DENND2A: variants seen among roughly 807,000 people sequenced by gnomAD.
DENND2A encodes DENN domain-containing protein 2A.
A neutral mutation model predicts 105.3 loss-of-function variants in DENND2A; 53 were observed. The observed-to-expected ratio is 0.50, with a 90% confidence interval of 0.40 to 0.63. The LOEUF is 0.63. Among genes scored for constraint, DENND2A ranks in the 30% least tolerant of loss-of-function variants. The pLI is 0.00. For synonymous variants in DENND2A, 522 were observed against 508.4 expected (o/e 1.03, Z -0.36); for missense variants, 1,138 against 1,279.6 (o/e 0.89, Z 1.69).
At chr7:140,531,041 G>C (rs1209366543) in intron 14 of DENND2A, among the ~76,000 whole-genome samples, 1 of 152,068 alleles carries the variant, frequency 6.6e-6, no homozygotes, top group Non-Finnish European at 1.5e-5. Context: ...CGACTTCTAT[G>C]ACTTTCGAAG....
rs766616206 is a variant in DENND2A at position 140,573,853 on chromosome 7, G to T, written c.1401C>A (p.Asn467Lys). Reference sequence around the variant, plus strand: ...TCCTGCCGTTCTGTGGGTCTCCAAGGTTAAAGAAAATGTCATCAGGGCTGC... The same window carrying T: ...TCCTGCCGTTCTGTGGGTCTCCAAGTTTAAAGAAAATGTCATCAGGGCTGC... ...TPSSPDDIFFNLGDPQNGRKK... is the reference protein window; with the variant it reads ...TPSSPDDIFFKLGDPQNGRKK... The change falls in exon 6 of 20, where the codon AAC becomes AAA. Residue 467 changes from asparagine to lysine, a missense_variant. By Grantham distance (94) the Asn-to-Lys change is moderately conservative (BLOSUM62 0). This residue lies in a region of DENND2A where 627 missense variants were observed against 779.8 expected (regional missense o/e 0.80). Transcript: ENST00000496613. 1 of 1,614,044 alleles carries T rather than the reference G, an allele frequency of 6.2e-7. No homozygotes were observed. Among genetic ancestry groups the T allele is most frequent in the Non-Finnish European group, 8.5e-7 (1 of 1,179,982 alleles).
chr7:140,520,019 A>C lies in DENND2A; in HGVS notation c.2912-301T>G, dbSNP rs10277775. 6.1e-3 allele frequency among the ~76,000 whole-genome samples: 934 copies of C among 152,226 alleles called. 8 individuals are homozygous for C. The highest frequency in any genetic ancestry group is 0.021 in the African/African-American group (865 of 41,548). ...GCGGGCAGTTTTAAAGATGAACCGGAGTGGCCAGTCATGGTGGTTCACGCC... is the reference window on the plus strand; with the variant it reads ...GCGGGCAGTTTTAAAGATGAACCGGCGTGGCCAGTCATGGTGGTTCACGCC... On this transcript the variant is annotated intron_variant, in intron 18 of 19. Coordinates refer to ENST00000496613, the MANE Select transcript of DENND2A (RefSeq NM_015689.5).
At chr7:140,598,633 C>T (rs1411737455) in intron 3 of DENND2A, among the ~76,000 whole-genome samples, 1 of 151,880 alleles carries the variant, frequency 6.6e-6, no homozygotes, top group Non-Finnish European at 1.5e-5. Flanking sequence ...TACACACAAA[C>T]ACACACAAAA....
intron 16 of DENND2A, among the ~76,000 whole-genome samples, chr7:140,524,317 G>T (rs900781866): frequency 1.3e-5 from 2 of 152,102 alleles, no homozygotes; most frequent in Non-Finnish European, 2.9e-5. Context: ...TAGAAGTTAG[G>T]CCTCTCTAGC....
intron 8 of DENND2A, among the ~76,000 whole-genome samples, chr7:140,567,812 G>C (rs1402156735): frequency 6.6e-6 from 1 of 152,136 alleles, no homozygotes; most frequent in East Asian, 1.9e-4. Context: ...CTCCCCTCCT[G>C]CCACTAACTC....
chr7:140,561,134 G>T (rs918176959), intron 9 of DENND2A, among the ~76,000 whole-genome samples: 1 of 152,106 alleles, frequency 6.6e-6, no homozygotes, highest in Non-Finnish European at 1.5e-5. Flanking sequence ...AGCATCCTGA[G>T]TAGCTGGGAC....
chr7:140,626,768 T>C (rs1463479803), intron 1 of DENND2A, among the ~76,000 whole-genome samples: 1 of 152,158 alleles, frequency 6.6e-6, no homozygotes, highest in Non-Finnish European at 1.5e-5. Flanking sequence ...GCAGCAATCT[T>C]AGAGGGAGAC....
chr7:140,611,994 A>G (rs570810104), intron 1 of DENND2A, among the ~76,000 whole-genome samples: 1 of 152,274 alleles, frequency 6.6e-6, no homozygotes, highest in Non-Finnish European at 1.5e-5. Flanking sequence ...TAATTCCAGC[A>G]CTTTGGGAGG....
chr7:140,560,710 T>C (rs1797578049), intron 9 of DENND2A, among the ~76,000 whole-genome samples: 1 of 151,056 alleles, frequency 6.6e-6, no homozygotes, highest in African/African-American at 2.4e-5. Flanking sequence ...GGTGGGTGAA[T>C]CACCTGGGGT....
Position 140,551,340 on chromosome 7 carries a change from G to GA in DENND2A, c.2037+4295dup, listed in dbSNP as rs571414770. Among the ~76,000 whole-genome samples, 1,251 of 142,092 alleles carry GA rather than the reference G, an allele frequency of 8.8e-3. 12 individuals carry two copies. The highest frequency in any genetic ancestry group is 0.016 in the Non-Finnish European group (1,008 of 63,708). 93.2% of individuals were successfully genotyped at this position (142,092 alleles called of 152,430 possible). A position where few individuals can be genotyped will look rare whatever the true frequency, so the allele number is the denominator to read the frequency against. On this transcript the variant is annotated intron_variant, in intron 12 of 19. Transcript: ENST00000496613. ...AAAAAAAAGAAAGGAAAAAGGAAAA[G>GA]AAAAAAAGCCTTTGGGACACTGGGC...
At chr7:140,578,842 C>T (rs1798415174) in intron 5 of DENND2A, among the ~76,000 whole-genome samples, 1 of 152,222 alleles carries the variant, frequency 6.6e-6, no homozygotes, top group Admixed American at 6.5e-5. Context: ...CCACTGCACT[C>T]TAGCCTGGGC....
intron 1 of DENND2A, among the ~76,000 whole-genome samples, chr7:140,606,940 T>C (rs1047148294): frequency 5.9e-5 from 9 of 152,172 alleles, no homozygotes; most frequent in African/African-American, 1.9e-4. Flanking sequence ...TAAATGGACA[T>C]GGCTCAGGTG....
intron 8 of DENND2A, among the ~76,000 whole-genome samples, chr7:140,568,532 G>A (rs1039992826): frequency 8.5e-5 from 13 of 152,148 alleles, no homozygotes; most frequent in South Asian, 2.1e-4. Flanking sequence ...AGCAGGGGTC[G>A]CTGCCGTTAC....
intron 3 of DENND2A, among the ~76,000 whole-genome samples, chr7:140,591,300 T>C (rs887252167): frequency 6.6e-6 from 1 of 152,120 alleles, no homozygotes; most frequent in Non-Finnish European, 1.5e-5. Flanking sequence ...TGAGACAGAG[T>C]GAGACCCTGT....
chr7:140,521,259 CCAAT>C (rs1431973573), intron 18 of DENND2A, among the ~76,000 whole-genome samples: 3 of 151,938 alleles, frequency 2.0e-5, no homozygotes, highest in Non-Finnish European at 2.9e-5. Flanking sequence ...CTCATACTCT[CCAAT>C]CAGTTTTCTT....
intron 1 of DENND2A, among the ~76,000 whole-genome samples, chr7:140,629,177 G>A (rs1254138733): frequency 6.6e-6 from 1 of 152,186 alleles, no homozygotes; most frequent in Admixed American, 6.5e-5. Context: ...TAGGGTGAAA[G>A]GCAGTATTCA....
At chr7:140,545,517 A>G (rs1796859341) in intron 13 of DENND2A, among the ~76,000 whole-genome samples, 1 of 151,846 alleles carries the variant, frequency 6.6e-6, no homozygotes, top group Non-Finnish European at 1.5e-5. Context: ...TGCCTGGCTA[A>G]TTTTTGTATT....
chr7:140,624,460 G>A (rs572721511), intron 1 of DENND2A, among the ~76,000 whole-genome samples: 13 of 152,328 alleles, frequency 8.5e-5, no homozygotes, highest in African/African-American at 2.9e-4. Context: ...CAGGTGGGAC[G>A]CCAGGGCTGC....
chr7:140,525,677 G>T lies in DENND2A; in HGVS notation c.2547+74C>A, dbSNP rs1585549867. 7.9e-6 allele frequency: 11 copies of T among 1,384,252 alleles called. No homozygotes were observed. In the East Asian group the frequency reaches 2.0e-4, roughly 26 times the overall value. 85.7% of individuals were successfully genotyped at this position (1,384,252 alleles called of 1,614,324 possible). On this transcript the variant is annotated intron_variant, in intron 16 of 19. Transcript: ENST00000496613. ...TGCAATCCCAAAGAGCCTTTCCAAG[G>T]CTGGAGAGCTGAGCCCCAAACAACA...
Sources: gnomAD v4.1 joint callset for allele counts (sites outside exome capture counted in the v4.1 genomes callset) on GRCh38, gnomAD v4.1.1 for gene constraint, gnomAD v4.1.1 regional missense constraint, MANE v1.5 for transcripts, NCBI Gene and HGNC (gene_info 2026-07-23, HGNC 2026-07-21) for gene names.